CRPPA: variants seen among roughly 807,000 people sequenced by gnomAD.
CRPPA encodes CDP-L-ribitol pyrophosphorylase A, also known as D-ribitol-5-phosphate cytidylyltransferase.
Under a neutral mutation model 52.0 loss-of-function variants are expected in CRPPA, and 43 were observed. The ratio of observed to expected loss-of-function variants is 0.83; its 90% CI spans 0.65 to 1.07. The LOEUF is 1.07. CRPPA is among the 50% of genes least tolerant of loss of function. The pLI is 0.00. For missense variants in CRPPA, 629 were observed against 551.7 expected, an observed-to-expected ratio of 1.14 and a Z score of -1.40; for synonymous variants, 250 against 203.5, an observed-to-expected ratio of 1.23 and a Z score of -1.94.
intron 4 of CRPPA, among the ~76,000 whole-genome samples, chr7:16,303,491 A>AAAAAAAAAAAAAAAAAAAAAAAAAAC (rs766268683): frequency 6.0e-4 from 75 of 125,016 alleles, no homozygotes; most frequent in Non-Finnish European, 9.3e-4. Context: ...AAAAAAAAAA[A>AAAAAAAAAAAAAAAAAAAAAAAAAAC]AAAAAAAAAA....
At chr7:16,392,089 T>G (rs1243997467) in intron 2 of CRPPA, among the ~76,000 whole-genome samples, 2 of 152,200 alleles carry the variant, frequency 1.3e-5, no homozygotes, top group African/African-American at 4.8e-5. Flanking sequence ...CAAGTTCATC[T>G]CTGCTTAATT....
At chr7:16,255,345 T>C (rs895792331) in intron 8 of CRPPA, among the ~76,000 whole-genome samples, 2 of 152,150 alleles carry the variant, frequency 1.3e-5, no homozygotes, top group South Asian at 2.1e-4. Flanking sequence ...AGAGTCAACA[T>C]TGTGAAAATG....
At chr7:16,281,563 T>C (rs1014214361) in intron 5 of CRPPA, among the ~76,000 whole-genome samples, 1 of 152,212 alleles carries the variant, frequency 6.6e-6, no homozygotes, top group Admixed American at 6.5e-5. Context: ...CCTGTAATTC[T>C]ACTTACTTAT....
chr7:16,273,769 A>G (rs570068976), intron 6 of CRPPA, among the ~76,000 whole-genome samples: 1 of 152,300 alleles, frequency 6.6e-6, no homozygotes, highest in African/African-American at 2.4e-5. Flanking sequence ...AGCACAATGT[A>G]ACACACGTCC....
chr7:16,341,421 C>A (rs531241740), intron 3 of CRPPA, among the ~76,000 whole-genome samples: 2 of 152,188 alleles, frequency 1.3e-5, no homozygotes, highest in South Asian at 4.2e-4. Context: ...TAAAAAAAGT[C>A]TTTAAAAAAT....
At chr7:16,190,008 T>C (rs1781576259) in intron 9 of CRPPA, among the ~76,000 whole-genome samples, 1 of 152,188 alleles carries the variant, frequency 6.6e-6, no homozygotes, top group Admixed American at 6.6e-5. Flanking sequence ...CATTTACTGA[T>C]AGTAAATATT....
At chr7:16,252,077 C>T (rs982178678) in intron 8 of CRPPA, among the ~76,000 whole-genome samples, 2 of 151,610 alleles carry the variant, frequency 1.3e-5, no homozygotes, top group African/African-American at 4.8e-5. Flanking sequence ...ATCCTGATAC[C>T]AAAACCTGAC....
intron 1 of CRPPA, among the ~76,000 whole-genome samples, chr7:16,410,005 C>A (rs1788041513): frequency 6.6e-6 from 1 of 152,190 alleles, no homozygotes; most frequent in Admixed American, 6.5e-5. Context: ...AGCATAGTCT[C>A]AAGGACTGTG....
intron 9 of CRPPA, among the ~76,000 whole-genome samples, chr7:16,192,596 G>GT (rs1781637659): frequency 1.3e-5 from 2 of 152,008 alleles, no homozygotes; most frequent in South Asian, 4.1e-4. Flanking sequence ...AGTTTTGCCT[G>GT]TTCTAGAACT....
At chr7:16,331,062 C>A (rs1583525202) in intron 3 of CRPPA, among the ~76,000 whole-genome samples, 1 of 152,162 alleles carries the variant, frequency 6.6e-6, no homozygotes, top group South Asian at 2.1e-4. Context: ...TGCAGGGGCG[C>A]CATCTCGGCT....
chr7:16,343,906 T>C (rs1785936151), intron 3 of CRPPA, among the ~76,000 whole-genome samples: 1 of 152,172 alleles, frequency 6.6e-6, no homozygotes, highest in African/African-American at 2.4e-5. Flanking sequence ...ACCCTACACA[T>C]GCATAGAGCC....
intron 4 of CRPPA, among the ~76,000 whole-genome samples, chr7:16,306,234 G>C (rs902980886): frequency 6.6e-6 from 1 of 152,172 alleles, no homozygotes; most frequent in African/African-American, 2.4e-5. Flanking sequence ...AGGTGCCACG[G>C]ATTAGGACTT....
intron 8 of CRPPA, among the ~76,000 whole-genome samples, chr7:16,248,358 G>A (rs540361491): frequency 6.6e-6 from 1 of 152,222 alleles, no homozygotes; most frequent in East Asian, 1.9e-4. Context: ...TTATAAGAGA[G>A]CCTATGTGCC....
chr7:16,252,391 C>T (rs539559665), intron 8 of CRPPA, among the ~76,000 whole-genome samples: 18 of 152,194 alleles, frequency 1.2e-4, no homozygotes, highest in Admixed American at 2.6e-4. Context: ...TAAGTATTGA[C>T]GGAACGTATC....
At chr7:16,122,394 C>A (rs1205846252) in intron 9 of CRPPA, among the ~76,000 whole-genome samples, 1 of 151,880 alleles carries the variant, frequency 6.6e-6, no homozygotes, top group Non-Finnish European at 1.5e-5. Context: ...AGAGACACCA[C>A]TGAATACTAA....
At chr7:16,302,891 GATC>G (rs1306407430) in intron 4 of CRPPA, among the ~76,000 whole-genome samples, 1 of 152,070 alleles carries the variant, frequency 6.6e-6, no homozygotes, top group Non-Finnish European at 1.5e-5. Flanking sequence ...GAAGACTACT[GATC>G]ATGCTAACAG....
rs918369554 is a variant in CRPPA, at chr7:16,359,269, C to T, written c.684+16823G>A. Among the ~76,000 whole-genome samples the T allele has an allele frequency of 2.6e-5, 4 of 152,242 alleles. No homozygotes were observed. The East Asian group carries it at 5.8e-4, about 22-fold the overall frequency. ...CCCTCTTGAGTAGCTGGGAGCACCA[C>T]CACACCCAGCTAATGGAAGTTTTTC... On this transcript the variant is annotated intron_variant, in intron 3 of 9. Transcript: ENST00000407010.
At chr7:16,326,796 T>C (rs565763897) in intron 3 of CRPPA, among the ~76,000 whole-genome samples, 1 of 152,240 alleles carries the variant, frequency 6.6e-6, no homozygotes, top group South Asian at 2.1e-4. Flanking sequence ...CTCTTCATCA[T>C]CCAAATGTAT....
intron 9 of CRPPA, among the ~76,000 whole-genome samples, chr7:16,202,767 C>T (rs1387407533): frequency 6.6e-6 from 1 of 152,134 alleles, no homozygotes; most frequent in Non-Finnish European, 1.5e-5. Context: ...ATGATGAAAA[C>T]AGTATAAACA....
Sources: gnomAD v4.1 joint callset for allele counts (sites outside exome capture counted in the v4.1 genomes callset) on GRCh38, gnomAD v4.1.1 for gene constraint, MANE v1.5 for transcripts, NCBI Gene and HGNC (gene_info 2026-07-23, HGNC 2026-07-21) for gene names.